The following SCP2 variants were observed in gnomAD, a reference collection of about 807,000 sequenced individuals.
The protein encoded by SCP2 is sterol carrier protein 2.
In SCP2, 48 loss-of-function variants were observed where a neutral mutation model predicts 71.4. That is an observed-to-expected ratio of 0.67 (90% CI 0.53 to 0.86). The LOEUF (loss-of-function observed/expected upper bound fraction) is 0.86. Among genes scored for constraint, SCP2 ranks in the 40% least tolerant of loss-of-function variants. The probability of loss-of-function intolerance (pLI) is 0.00; values close to 1 mark genes in which losing one functional copy is unlikely to be tolerated. For missense variants in SCP2, 560 were observed against 655.6 expected (o/e 0.85, Z 1.59); for synonymous variants, 220 against 218.1 (o/e 1.01, Z -0.08).
At chr1:53,020,199 T>C (rs1366882806) in intron 12 of SCP2, among the ~76,000 whole-genome samples, 1 of 152,152 alleles carries the variant, frequency 6.6e-6, no homozygotes, top group Non-Finnish European at 1.5e-5. Context: ...CAGAGACAGT[T>C]TTGATCAGTG....
chr1:52,953,603 C>G (rs1240659959), intron 4 of SCP2, among the ~76,000 whole-genome samples: 1 of 152,136 alleles, frequency 6.6e-6, no homozygotes, highest in East Asian at 1.9e-4. Context: ...GCTTTGGCCT[C>G]CCAAAGCTTT....
intron 2 of SCP2, 28 bp downstream of exon 2, chr1:52,941,881 C>T: frequency 6.6e-7 from 1 of 1,520,008 alleles, no homozygotes; most frequent in African/African-American, 1.4e-5. Flanking sequence ...GATCTTTGAA[C>T]ATTCATAGTT....
intron 6 of SCP2, among the ~76,000 whole-genome samples, chr1:52,964,574 T>C (rs1317099433): frequency 2.0e-5 from 3 of 152,170 alleles, no homozygotes; most frequent in African/African-American, 7.2e-5. Context: ...AAATATTTTG[T>C]TTAGAAGTAA....
intron 2 of SCP2, among the ~76,000 whole-genome samples, chr1:52,946,112 A>T (rs923639921): frequency 6.6e-6 from 1 of 151,646 alleles, no homozygotes; most frequent in African/African-American, 2.4e-5. Context: ...TATTTTTGGT[A>T]GAGACAGGGT....
chr1:52,956,454 C>T (rs1377513138), intron 5 of SCP2, among the ~76,000 whole-genome samples: 3 of 152,122 alleles, frequency 2.0e-5, no homozygotes, highest in Admixed American at 6.5e-5. Context: ...GATAATATTT[C>T]TTAGAAACCA....
chr1:53,048,799 A>G (rs558558633), intron 15 of SCP2: 1 of 152,326 alleles, frequency 6.6e-6, no homozygotes, highest in East Asian at 1.9e-4. Flanking sequence ...TGTTGAATGG[A>G]CTTGATATAG....
At chr1:52,988,693 T>C (rs1320694597) in intron 11 of SCP2, among the ~76,000 whole-genome samples, 7 of 150,994 alleles carry the variant, frequency 4.6e-5, no homozygotes, top group Non-Finnish European at 1.0e-4. Context: ...CTTTTCTTTT[T>C]TTTTTTTTTT....
At chr1:52,955,137 A>AGTTT (rs1295956411) in intron 5 of SCP2, among the ~76,000 whole-genome samples, 1 of 152,250 alleles carries the variant, frequency 6.6e-6, no homozygotes, top group African/African-American at 2.4e-5. Flanking sequence ...TGGCAAGCCA[A>AGTTT]GTTTTTTGAG....
At chr1:52,953,709 CTTTG>C (rs1333592210) in intron 4 of SCP2, among the ~76,000 whole-genome samples, 2 of 151,556 alleles carry the variant, frequency 1.3e-5, no homozygotes, top group African/African-American at 2.4e-5. Context: ...TTATTAAAAA[CTTTG>C]TTTGGTGGCT....
At chr1:52,990,733 CAAAAAAAAAAA>C (rs61221989) in intron 11 of SCP2, among the ~76,000 whole-genome samples, 662 of 62,446 alleles carry the variant, frequency 0.011, 5 homozygotes, top group African/African-American at 0.032. Context: ...GACTCCGTCT[CAAAAAAAAAAA>C]AAAAAAAAAA....
Position 53,006,186 on chromosome 1 carries a change from C to G in SCP2, c.1082-8704C>G, listed in dbSNP as rs149021590. 5.2e-3 allele frequency among the ~76,000 whole-genome samples: 791 copies of G among 152,194 alleles called. 5 individuals carry two copies. The highest frequency in any genetic ancestry group is 7.2e-3 in the Non-Finnish European group (491 of 68,032). ...CCTGAAAGTGAGGGGGAGAATGGAA[C>G]CAAGTTGGAAAACACTCTTCAGGAT... On this transcript the variant is annotated intron_variant, in intron 11 of 15. Transcript: ENST00000371514.
At chr1:52,973,659 C>T (rs553988341) in intron 6 of SCP2, among the ~76,000 whole-genome samples, 1 of 152,114 alleles carries the variant, frequency 6.6e-6, no homozygotes, top group African/African-American at 2.4e-5. Context: ...CTGCAATCTC[C>T]GTCTTCCGGG....
At chr1:52,987,918 T>G (rs1659141084) in intron 10 of SCP2, 111 bp from the exon 11 acceptor site, 1 of 703,590 alleles carries the variant, frequency 1.4e-6, no homozygotes, top group Admixed American at 2.1e-5. Context: ...TTTGAACTGT[T>G]AAGAAATATT....
intron 15 of SCP2, chr1:53,048,947 G>C (rs1664021144): frequency 6.6e-6 from 1 of 152,098 alleles, no homozygotes; most frequent in African/African-American, 2.4e-5. Context: ...TGGTTCTCTG[G>C]TAATTTCCAA....
chr1:52,969,688 G>T (rs544935449), intron 6 of SCP2, among the ~76,000 whole-genome samples: 1 of 151,884 alleles, frequency 6.6e-6, no homozygotes, highest in African/African-American at 2.4e-5. Context: ...GGGCGTGGTC[G>T]CGTGTGCCTG....
At chr1:52,953,114 T>C (rs867273578) in intron 4 of SCP2, among the ~76,000 whole-genome samples, 2 of 151,168 alleles carry the variant, frequency 1.3e-5, no homozygotes, top group Non-Finnish European at 3.0e-5. Context: ...GGCTCTTCAG[T>C]TGAACTTTAA....
intron 11 of SCP2, among the ~76,000 whole-genome samples, chr1:53,004,864 C>T (rs1425274473): frequency 6.6e-6 from 1 of 152,162 alleles, no homozygotes; most frequent in African/African-American, 2.4e-5. Flanking sequence ...TGGGGAATTC[C>T]CTTTCCTAGC....
intron 7 of SCP2, among the ~76,000 whole-genome samples, chr1:52,976,127 A>G (rs979564060): frequency 5.9e-5 from 9 of 152,166 alleles, no homozygotes; most frequent in Non-Finnish European, 8.8e-5. Flanking sequence ...CCTTTTCCCT[A>G]TGGAGTCAGG....
chr1:52,993,193 A>T (rs1572155962), intron 11 of SCP2: 1 of 1,613,930 alleles, frequency 6.2e-7, no homozygotes, highest in Admixed American at 1.7e-5. Flanking sequence ...AACTGAAGGG[A>T]TTCTAGAAAA....
Sources: allele counts gnomAD v4.1 joint callset (sites outside exome capture counted in the v4.1 genomes callset), GRCh38; gene constraint gnomAD v4.1.1; transcripts MANE v1.5; gene names NCBI Gene and HGNC (gene_info 2026-07-23, HGNC 2026-07-21).